PRRT1: variants seen among roughly 807,000 people sequenced by gnomAD.
PRRT1 encodes the protein proline-rich transmembrane protein 1.
Under a neutral mutation model 22.6 loss-of-function variants are expected in PRRT1, and 8 were observed. That is an observed-to-expected ratio of 0.35 (90% confidence interval 0.21 to 0.64). The LOEUF is 0.64. PRRT1 is among the 30% of genes least tolerant of loss of function. PRRT1 has a pLI of 0.69. For synonymous variants in PRRT1, 176 were observed against 203.6 expected (o/e 0.86, Z 1.15); for missense variants, 315 against 444.5 (o/e 0.71, Z 2.62).
Position 32,148,455 on chromosome 6 carries a change from C to A in PRRT1, c.*767G>T. 3.9e-6 allele frequency: 1 copy of A among 255,204 alleles called. No homozygotes were observed. The highest frequency in any genetic ancestry group is 7.9e-6 in the Non-Finnish European group (1 of 126,394). The allele number at this position is 255,204 out of a possible 1,614,324, so 15.8% of individuals were successfully genotyped here. On this transcript the variant is annotated 3_prime_UTR_variant, in exon 4 of 4. Coordinates refer to ENST00000211413, the MANE Select transcript of PRRT1 (RefSeq NM_030651.4). This position sits in a 1 kb window ranked among gnomAD's most constrained non-coding sequence, Gnocchi z 5.7. ...CGGGGCCGCCGAGGGGAGCGGGGAG[C>A]GGGGACTTGGGAGGTCCATAGCCTG...
In PRRT1 at chr6:32,150,613, G is replaced by A. The variant is rs1486316129; in HGVS notation, c.313C>T (p.Pro105Ser). 7.1e-7 allele frequency: 1 copy of A among 1,408,730 alleles called. No individual in the cohort carries two copies. The allele number at this position is 1,408,730 out of a possible 1,614,324, so 87.3% of individuals were successfully genotyped here. A position where few individuals can be genotyped will look rare whatever the true frequency, so the allele number is the denominator to read the frequency against. The change falls in exon 2 of 4, where the codon CCC becomes TCC. Residue 105 changes from proline to serine, a missense_variant. Pro to Ser is a moderately conservative substitution (Grantham distance 74, BLOSUM62 -1). This residue lies in a region of PRRT1 where 263 missense variants were observed against 328.5 expected (regional missense o/e 0.80). Transcript: ENST00000211413. The surrounding 1 kb of genome is among the most constrained non-coding windows in gnomAD (Gnocchi z 7.2). The stretch of plus-strand genomic sequence containing the variant: ...AGGTAAGGGTCGGGTGGCATGCGGG[G>A]CAAGGTAGCGCAGCCGGGTGGGGGT... ...GAPPPGCATL[P>S]RMPPDPYLQE...
In PRRT1 at chr6:32,150,685, G is replaced by A; in HGVS notation, c.241C>T (p.Leu81=). ...AQRGPSSSAT[L]PRPPHHAPPG... is the part of the protein sequence containing the mutation. ...GGGGCGTGGTGGGGGGGCCTCGGCA[G>A]CGTGGCAGAGGAGGAGGGACCGCGC... The change falls in exon 2 of 4, where the codon CTG becomes TTG. Residue 81 remains leucine, a synonymous_variant. Coordinates refer to ENST00000211413, the MANE Select transcript of PRRT1 (RefSeq NM_030651.4). This position sits in a 1 kb window ranked among gnomAD's most constrained non-coding sequence, Gnocchi z 7.2. 1 of 1,434,742 alleles carries A rather than the reference G, an allele frequency of 7.0e-7. No homozygotes were observed. The highest frequency in any genetic ancestry group is 9.1e-7 in the Non-Finnish European group (1 of 1,099,084). 88.9% of individuals were successfully genotyped at this position (1,434,742 alleles called of 1,614,324 possible).
chr6:32,149,642 T>A lies in PRRT1; in HGVS notation c.639A>T (p.Leu213=). ...PPPPQGPGLA[L]LEPRRPPHDY... is the part of the protein sequence containing the mutation. ...CGTGTGGCGGGCGCCTCGGCTCCAG[T>A]AGGGCCAGCCCTGGGCCCTGGGGCG... The change falls in exon 3 of 4, where the codon CTA becomes CTT. Residue 213 remains leucine (L), a synonymous_variant. Coordinates refer to ENST00000211413, the MANE Select transcript of PRRT1 (RefSeq NM_030651.4). This position sits in a 1 kb window ranked among gnomAD's most constrained non-coding sequence, Gnocchi z 8.7. 1 of 1,612,768 alleles carries A rather than the reference T, an allele frequency of 6.2e-7. No homozygotes were observed. Among genetic ancestry groups the A allele is most frequent in the Non-Finnish European group, 8.5e-7 (1 of 1,179,914 alleles).
chr6:32,149,243 G>C lies in PRRT1; in HGVS notation c.900C>G (p.His300Gln). 1 of 1,611,792 alleles carries C rather than the reference G, an allele frequency of 6.2e-7. No homozygotes were observed. Among genetic ancestry groups the C allele is most frequent in the African/African-American group, 1.3e-5 (1 of 75,022 alleles). The change falls in exon 4 of 4, where the codon CAC (histidine) becomes CAG (glutamine). Residue 300 changes from histidine (H) to glutamine (Q), a missense_variant. By Grantham distance (24) the His-to-Gln change is conservative. This residue lies in a region of PRRT1 where 24 missense variants were observed against 38.2 expected (regional missense o/e 0.63). Transcript: ENST00000211413. The surrounding 1 kb of genome is among the most constrained non-coding windows in gnomAD (Gnocchi z 8.7). ...GTTTTTAGGGATCCCAGTAGTTCTC[G>C]TGGTGCTGCGCGGCGATGATGATGA... ...TVVIIIAAQH[H>Q]ENYWDP
rs1035934634 is a variant in PRRT1 at position 32,148,615 on chromosome 6, A to G, written c.*607T>C. On this transcript the variant is annotated 3_prime_UTR_variant, in exon 4 of 4. Transcript: ENST00000211413. This position sits in a 1 kb window ranked among gnomAD's most constrained non-coding sequence, Gnocchi z 5.7. ...CTTCCCAAATGTCCTTAAAAAAAGC[A>G]AAAGGAAAGGTTCTGGGATTAGCAA... 4 of 354,232 alleles carry G rather than the reference A, an allele frequency of 1.1e-5. No homozygotes were observed. The highest frequency in any genetic ancestry group is 3.8e-5 in the Admixed American group (1 of 26,562). The allele number at this position is 354,232 out of a possible 1,614,324, so 21.9% of individuals were successfully genotyped here.
chr6:32,151,785 G>T, intron 1 of PRRT1, 24 bp downstream of exon 1: 1 of 1,588,642 alleles, frequency 6.3e-7, no homozygotes, highest in Non-Finnish European at 8.6e-7. Context: ...TGGAGGGGGT[G>T]GGAGGTTTTG....
At position 32,149,532 on chromosome 6, in the gene PRRT1, C is replaced by G. The variant is rs1783142352; in HGVS notation, c.744+5G>C. On this transcript the variant is annotated splice_donor_5th_base_variant and intron_variant, in intron 3 of 3. Coordinates refer to ENST00000211413, the MANE Select transcript of PRRT1 (RefSeq NM_030651.4). The surrounding 1 kb of genome is among the most constrained non-coding windows in gnomAD (Gnocchi z 8.7). Reference sequence around the variant, plus strand: ...CCCCAAACCGAGTATGCCCCTGCCCCCTACCTGCACGGCCTTGAAGATGGC... The same window carrying G: ...CCCCAAACCGAGTATGCCCCTGCCCGCTACCTGCACGGCCTTGAAGATGGC... 2 of 1,612,938 alleles carry G rather than the reference C, an allele frequency of 1.2e-6. No homozygotes were observed. The highest frequency in any genetic ancestry group is 1.3e-5 in the African/African-American group (1 of 74,942).
rs1286116934 is a variant in PRRT1, at chr6:32,149,504, C to T, written c.744+33G>A. On this transcript the variant is annotated intron_variant, in intron 3 of 3. Coordinates refer to ENST00000211413, the MANE Select transcript of PRRT1 (RefSeq NM_030651.4). This position sits in a 1 kb window ranked among gnomAD's most constrained non-coding sequence, Gnocchi z 8.7. Reference sequence around the variant, plus strand: ...CAGAACGCCCAGAACTCCCTGTCCCCGCCCCCAAACCGAGTATGCCCCTGC... The same window carrying T: ...CAGAACGCCCAGAACTCCCTGTCCCTGCCCCCAAACCGAGTATGCCCCTGC... 1.9e-6 allele frequency: 3 copies of T among 1,610,976 alleles called. No individual in the cohort carries two copies. Among genetic ancestry groups the T allele is most frequent in the Non-Finnish European group, 2.5e-6 (3 of 1,178,940 alleles).
chr6:32,151,100 CCTT>C, intron 1 of PRRT1, 194 bp from the exon 2 acceptor site: 1 of 705,168 alleles, frequency 1.4e-6, no homozygotes, highest in South Asian at 1.5e-5. Flanking sequence ...CTGCCCCCCT[CCTT>C]CTTCCTTCCA....
rs1381104912 is a variant in PRRT1, at chr6:32,150,004, C to T, written c.559-282G>A. ...GCCTCAGGTCAGACCTTCTTTCTTC[C>T]CTCCAGACACCTACCAGGCCTCCCC... On this transcript the variant is annotated intron_variant, in intron 2 of 3. Transcript: ENST00000211413. The surrounding 1 kb of genome is among the most constrained non-coding windows in gnomAD (Gnocchi z 7.2). 9.5e-5 allele frequency: 49 copies of T among 515,802 alleles called. No individual in the cohort carries two copies. Among genetic ancestry groups the T allele is most frequent in the Non-Finnish European group, 5.1e-5 (15 of 296,028 alleles). 32.0% of individuals were successfully genotyped at this position (515,802 alleles called of 1,614,324 possible). A position where few individuals can be genotyped will look rare whatever the true frequency, so the allele number is the denominator to read the frequency against.
rs1177553520 is a variant in PRRT1 at position 32,150,359 on chromosome 6, G to A, written c.558+9C>T. On this transcript the variant is annotated intron_variant, in intron 2 of 3. Coordinates refer to ENST00000211413, the MANE Select transcript of PRRT1 (RefSeq NM_030651.4). The surrounding 1 kb of genome is among the most constrained non-coding windows in gnomAD (Gnocchi z 7.2). ...CTCTTTCCCATGTCCCTGTCTGCCC[G>A]GCACTCACCGTGCCCACCGGGTAGA... 3.9e-6 allele frequency: 6 copies of A among 1,553,962 alleles called. No individual in the cohort carries two copies. The highest frequency in any genetic ancestry group is 4.1e-5 in the Admixed American group (2 of 48,784).
Position 32,150,971 on chromosome 6 carries a change from G to C in PRRT1, c.20-65C>G. On this transcript the variant is annotated intron_variant, in intron 1 of 3. Coordinates refer to ENST00000211413, the MANE Select transcript of PRRT1 (RefSeq NM_030651.4). This position sits in a 1 kb window ranked among gnomAD's most constrained non-coding sequence, Gnocchi z 7.2. ...GACACAGTGATGAGTTGAGGAGGGG[G>C]TAAGGGGAAACACAGCCGGTCAGGG... 7.5e-7 allele frequency: 1 copy of C among 1,330,698 alleles called. No homozygotes were observed. The highest frequency in any genetic ancestry group is 1.0e-6 in the Non-Finnish European group (1 of 956,294). 82.4% of individuals were successfully genotyped at this position (1,330,698 alleles called of 1,614,324 possible).
Position 32,149,219 on chromosome 6 carries a change from T to G in PRRT1, c.*3A>C. The G allele has an allele frequency of 6.2e-7, 1 of 1,610,676 alleles. No homozygotes were observed. The highest frequency in any genetic ancestry group is 8.5e-7 in the Non-Finnish European group (1 of 1,179,436). ...GCAGAGTGGGGCCGGACCAGGGGCGTTTTTAGGGATCCCAGTAGTTCTCGT... is the reference window on the plus strand; with the variant it reads ...GCAGAGTGGGGCCGGACCAGGGGCGGTTTTAGGGATCCCAGTAGTTCTCGT... On this transcript the variant is annotated 3_prime_UTR_variant, in exon 4 of 4. Coordinates refer to ENST00000211413, the MANE Select transcript of PRRT1 (RefSeq NM_030651.4). The surrounding 1 kb of genome is among the most constrained non-coding windows in gnomAD (Gnocchi z 8.7).
Position 32,149,416 on chromosome 6 carries a change from G to C in PRRT1, c.745-18C>G, listed in dbSNP as rs747399214. 1 of 1,594,858 alleles carries C rather than the reference G, an allele frequency of 6.3e-7. No individual in the cohort carries two copies. Among genetic ancestry groups the C allele is most frequent in the Non-Finnish European group, 8.6e-7 (1 of 1,167,284 alleles). On this transcript the variant is annotated intron_variant, in intron 3 of 3. Transcript: ENST00000211413. This position sits in a 1 kb window ranked among gnomAD's most constrained non-coding sequence, Gnocchi z 8.7. The stretch of plus-strand genomic sequence containing the variant: ...GTGCGCACCTACGGAGGAGGGGTGG[G>C]GGAAGGAGGTCAAAGAGCTGCGGCC...
In PRRT1 at chr6:32,151,837, C is replaced by A. The variant is rs962720042; in HGVS notation, c.-10G>T. On this transcript the variant is annotated 5_prime_UTR_variant, in exon 1 of 4. Coordinates refer to ENST00000211413, the MANE Select transcript of PRRT1 (RefSeq NM_030651.4). ...ACTTTTCGGATGACATGCCTGCGGT[C>A]TCGCTGGGACAGGGTCCCTGCAGCC... The A allele has an allele frequency of 1.2e-6, 2 of 1,610,432 alleles. No homozygotes were observed. The highest frequency in any genetic ancestry group is 1.7e-6 in the Non-Finnish European group (2 of 1,179,152).
At chr6:32,152,411 CAG>C (rs1260085254), upstream of PRRT1, among the ~76,000 whole-genome samples, 2 of 152,108 alleles carry the variant, frequency 1.3e-5, no homozygotes, top group African/African-American at 4.8e-5. Context: ...GAGAATTGTG[CAG>C]AGTTCAGAAC....
chr6:32,150,320 T>A lies in PRRT1; in HGVS notation c.558+48A>T. On this transcript the variant is annotated intron_variant, in intron 2 of 3. Coordinates refer to ENST00000211413, the MANE Select transcript of PRRT1 (RefSeq NM_030651.4). This position sits in a 1 kb window ranked among gnomAD's most constrained non-coding sequence, Gnocchi z 7.2. ...CCAGCGTATCCCCAATTTCAAGTCC[T>A]GTATCGCGTCCCCCTCTTTCCCATG... 5 of 1,538,068 alleles carry A rather than the reference T, an allele frequency of 3.3e-6. No homozygotes were observed. Among genetic ancestry groups the A allele is most frequent in the Non-Finnish European group, 4.3e-6 (5 of 1,152,372 alleles).
upstream of PRRT1, chr6:32,151,986 AGC>A: frequency 1.3e-5 from 1 of 75,958 alleles, no homozygotes; most frequent in Non-Finnish European, 2.5e-5. Flanking sequence ...GCGGAGGGAG[AGC>A]GGGGAGGGGG....
In PRRT1 at chr6:32,151,892, T is replaced by A; in HGVS notation, c.-65A>T. ...TGGGGGTCCTCGGCCGGTGCTGGAG[T>A]CTGGGTGCTGGATGGCGCAGCCGGC... On this transcript the variant is annotated 5_prime_UTR_variant, in exon 1 of 4. Coordinates refer to ENST00000211413, the MANE Select transcript of PRRT1 (RefSeq NM_030651.4). 7.0e-7 allele frequency: 1 copy of A among 1,435,426 alleles called. No individual in the cohort carries two copies. Among genetic ancestry groups the A allele is most frequent in the Non-Finnish European group, 9.6e-7 (1 of 1,041,432 alleles). The allele number at this position is 1,435,426 out of a possible 1,614,324, so 88.9% of individuals were successfully genotyped here. A position where few individuals can be genotyped will look rare whatever the true frequency, so the allele number is the denominator to read the frequency against.
Sources: gnomAD v4.1 joint callset for allele counts (sites outside exome capture counted in the v4.1 genomes callset) on GRCh38, gnomAD v4.1.1 for gene constraint, gnomAD v4.1.1 regional missense constraint, Gnocchi (gnomAD v3.1) non-coding constraint, MANE v1.5 for transcripts, NCBI Gene and HGNC (gene_info 2026-07-23, HGNC 2026-07-21) for gene names.